Variants in LDB2 observed in about 807,000 individuals in gnomAD.
LDB2 encodes the protein LIM domain binding 2.
In LDB2, 12 loss-of-function variants were observed where a neutral mutation model predicts 44.3. The observed-to-expected ratio is 0.27, with a 90% confidence interval of 0.17 to 0.44. The LOEUF is 0.44. LDB2 is among the 20% of genes least tolerant of loss of function. The pLI, the probability that LDB2 is intolerant of heterozygous loss-of-function variation, is 1.00. For missense variants in LDB2, 344 were observed against 473.5 expected (o/e 0.73, Z 2.54); for synonymous variants, 164 against 174.8 (o/e 0.94, Z 0.49).
chr4:16,818,480 G>T (rs1046441141), intron 1 of LDB2, among the ~76,000 whole-genome samples: 3 of 152,172 alleles, frequency 2.0e-5, no homozygotes, highest in Non-Finnish European at 4.4e-5. Context: ...TGGCAATTGA[G>T]TCAAAATACA....
chr4:16,870,613 C>T (rs1216330747), intron 1 of LDB2, among the ~76,000 whole-genome samples: 1 of 150,450 alleles, frequency 6.6e-6, no homozygotes, highest in Admixed American at 6.7e-5. Context: ...ACAACACTCA[C>T]TTCCTTGCAT....
At chr4:16,562,870 G>A (rs1173002611) in intron 5 of LDB2, among the ~76,000 whole-genome samples, 1 of 152,178 alleles carries the variant, frequency 6.6e-6, no homozygotes, top group Non-Finnish European at 1.5e-5. Context: ...TATACACCAT[G>A]GAACACTATG....
chr4:16,704,376 T>C (rs575717446), intron 2 of LDB2, among the ~76,000 whole-genome samples: 1 of 152,190 alleles, frequency 6.6e-6, no homozygotes, highest in Non-Finnish European at 1.5e-5. Flanking sequence ...CTACTGTTAT[T>C]AAGAAGGAAG....
intron 2 of LDB2, among the ~76,000 whole-genome samples, chr4:16,698,641 T>A (rs1752734883): frequency 6.6e-6 from 1 of 152,236 alleles, no homozygotes; most frequent in Admixed American, 6.5e-5. Context: ...TCTTTGTAAA[T>A]TAAGAAAATT....
intron 1 of LDB2, among the ~76,000 whole-genome samples, chr4:16,771,207 A>C (rs1770584580): frequency 6.6e-6 from 1 of 152,216 alleles, no homozygotes; most frequent in Admixed American, 6.5e-5. Flanking sequence ...CCACTAGATA[A>C]GAAAACTCAA....
chr4:16,779,384 A>G (rs990173051), intron 1 of LDB2, among the ~76,000 whole-genome samples: 5 of 152,222 alleles, frequency 3.3e-5, no homozygotes, highest in African/African-American at 1.2e-4. Context: ...CTTTCGAAGC[A>G]TGCATGGCCT....
At chr4:16,718,878 G>A (rs1252995874) in intron 2 of LDB2, among the ~76,000 whole-genome samples, 1 of 152,016 alleles carries the variant, frequency 6.6e-6, no homozygotes, top group African/African-American at 2.4e-5. Context: ...GGTATCAATT[G>A]TTCTTAAAAG....
chr4:16,739,696 A>G lies in LDB2; in HGVS notation c.235+19462T>C, dbSNP rs1448826714. On this transcript the variant is annotated intron_variant, in intron 2 of 7. Coordinates refer to ENST00000304523, the MANE Select transcript of LDB2 (RefSeq NM_001290.5). The stretch of plus-strand genomic sequence containing the variant: ...CATATGTGTGTATATATGTATATAT[A>G]CATATATGTGTATATATGTATATAT... 2.3e-5 allele frequency among the ~76,000 whole-genome samples: 2 copies of G among 86,064 alleles called. 1 individual carries two copies. Among genetic ancestry groups the G allele is most frequent in the Non-Finnish European group, 4.4e-5 (2 of 45,786 alleles). 56.5% of individuals were successfully genotyped at this position (86,064 alleles called of 152,430 possible). A position where few individuals can be genotyped will look rare whatever the true frequency, so the allele number is the denominator to read the frequency against.
At chr4:16,864,592 C>A (rs1418964632) in intron 1 of LDB2, among the ~76,000 whole-genome samples, 3 of 152,110 alleles carry the variant, frequency 2.0e-5, no homozygotes, top group African/African-American at 7.2e-5. Context: ...GAATCTGTCA[C>A]AGAGACAAGA....
chr4:16,732,237 G>T (rs1162044483), intron 2 of LDB2, among the ~76,000 whole-genome samples: 2 of 152,174 alleles, frequency 1.3e-5, no homozygotes, highest in African/African-American at 4.8e-5. Context: ...CTTGGTTGGA[G>T]CTTTCTTTTA....
chr4:16,507,313 G>A (rs1015815059), intron 7 of LDB2: 5 of 152,190 alleles, frequency 3.3e-5, no homozygotes, highest in African/African-American at 7.2e-5. Context: ...GTGGGAGACA[G>A]GAGAAGAGAA....
At chr4:16,678,861 C>G (rs1243931245) in intron 2 of LDB2, among the ~76,000 whole-genome samples, 1 of 152,132 alleles carries the variant, frequency 6.6e-6, no homozygotes, top group African/African-American at 2.4e-5. Context: ...ATTTTCCCAC[C>G]TAGACTTCAC....
chr4:16,830,352 C>A (rs1006749120), intron 1 of LDB2, among the ~76,000 whole-genome samples: 3 of 152,148 alleles, frequency 2.0e-5, no homozygotes, highest in Non-Finnish European at 2.9e-5. Context: ...TCACCCACAC[C>A]CTCTCCTTCT....
chr4:16,763,439 T>C (rs10018509), intron 1 of LDB2, among the ~76,000 whole-genome samples: 3 of 141,092 alleles, frequency 2.1e-5, no homozygotes, highest in Non-Finnish European at 1.5e-5. Flanking sequence ...TGTAAACACG[T>C]ACACACACAC....
At chr4:16,750,689 GAA>G (rs1179120692) in intron 2 of LDB2, among the ~76,000 whole-genome samples, 2 of 152,148 alleles carry the variant, frequency 1.3e-5, no homozygotes, top group African/African-American at 4.8e-5. Flanking sequence ...ATTTAACAAA[GAA>G]AACACAGGAT....
chr4:16,584,684 G>T (rs1217760075), intron 5 of LDB2, among the ~76,000 whole-genome samples: 3 of 152,324 alleles, frequency 2.0e-5, no homozygotes, highest in African/African-American at 7.2e-5. Context: ...GTCAGGAGAC[G>T]GGTAGTGCCT....
At chr4:16,685,104 T>A (rs1748894082) in intron 2 of LDB2, among the ~76,000 whole-genome samples, 1 of 152,226 alleles carries the variant, frequency 6.6e-6, no homozygotes, top group Non-Finnish European at 1.5e-5. Flanking sequence ...TCTTCTATTT[T>A]GGAGCTATGT....
chr4:16,826,082 G>A (rs545359104), intron 1 of LDB2, among the ~76,000 whole-genome samples: 1 of 150,866 alleles, frequency 6.6e-6, no homozygotes, highest in African/African-American at 2.4e-5. Flanking sequence ...ATCTACTAAT[G>A]GATTATAGAC....
chr4:16,696,285 T>C (rs1378998807), intron 2 of LDB2, among the ~76,000 whole-genome samples: 1 of 152,160 alleles, frequency 6.6e-6, no homozygotes, highest in African/African-American at 2.4e-5. Context: ...CTGGATCAGG[T>C]GCTGCAGAGC....
Sources: allele counts gnomAD v4.1 joint callset (sites outside exome capture counted in the v4.1 genomes callset), GRCh38; gene constraint gnomAD v4.1.1; transcripts MANE v1.5; gene names NCBI Gene and HGNC (gene_info 2026-07-23, HGNC 2026-07-21).